IQCK: variants seen among roughly 807,000 people sequenced by gnomAD.
IQCK encodes the protein IQ motif containing K.
In IQCK, 29 loss-of-function variants were observed where a neutral mutation model predicts 28.1. The ratio of observed to expected loss-of-function variants is 1.03; its 90% CI spans 0.77 to 1.41. The LOEUF is 1.41. Ranked by LOEUF, IQCK falls within the 40% of genes most tolerant of loss-of-function variation. IQCK has a pLI of 0.00. For missense variants in IQCK, 359 were observed against 314.7 expected (o/e 1.14, Z -1.07); for synonymous variants, 113 against 115.1 (o/e 0.98, Z 0.12).
intron 7 of IQCK, among the ~76,000 whole-genome samples, chr16:19,824,883 C>G (rs1310227109): frequency 7.9e-5 from 12 of 152,288 alleles, no homozygotes; most frequent in Non-Finnish European, 2.9e-5. Flanking sequence ...CAGTATCTCT[C>G]CCAGGAACAC....
chr16:19,777,098 CTG>C (rs1286553139), intron 6 of IQCK, among the ~76,000 whole-genome samples: 1 of 152,152 alleles, frequency 6.6e-6, no homozygotes, highest in Non-Finnish European at 1.5e-5. Context: ...ATCATTAAAA[CTG>C]AGACCTTCAA....
At chr16:19,809,014 C>G (rs767395297) in intron 7 of IQCK, among the ~76,000 whole-genome samples, 5 of 152,208 alleles carry the variant, frequency 3.3e-5, no homozygotes, top group Non-Finnish European at 5.9e-5. Flanking sequence ...TGCGCCACCA[C>G]GGCCAGCTAA....
At chr16:19,845,477 G>GCA (rs1413611189) in intron 9 of IQCK, among the ~76,000 whole-genome samples, 3 of 152,202 alleles carry the variant, frequency 2.0e-5, no homozygotes. Flanking sequence ...GTTTGTCTGT[G>GCA]TTCATTCACA....
intron 4 of IQCK, chr16:19,761,421 G>A (rs767177140): frequency 4.4e-6 from 2 of 455,930 alleles, no homozygotes; most frequent in African/African-American, 2.0e-5. Context: ...GCTTCCTGAG[G>A]TACAGAGCAG....
intron 7 of IQCK, chr16:19,819,575 ATTTCCCAAATGCTC>A (rs1415375655): frequency 1.8e-5 from 3 of 164,842 alleles, no homozygotes; most frequent in Non-Finnish European, 4.1e-5. Context: ...ATATTTCCAC[ATTTCCCAAATGCTC>A]TTTCAATCCA....
chr16:19,733,600 T>C, intron 2 of IQCK, 98 bp from the exon 3 acceptor site: 1 of 1,401,086 alleles, frequency 7.1e-7, no homozygotes, highest in East Asian at 2.3e-5. Context: ...AACCTTAAAG[T>C]CTGATGCAGA....
chr16:19,731,892 T>G (rs1425073068), intron 2 of IQCK, among the ~76,000 whole-genome samples: 1 of 152,184 alleles, frequency 6.6e-6, no homozygotes, highest in Non-Finnish European at 1.5e-5. Context: ...ACTACCAGTC[T>G]GAGGGCCTCT....
intron 1 of IQCK, among the ~76,000 whole-genome samples, chr16:19,729,489 T>A (rs1977761177): frequency 6.6e-6 from 1 of 152,002 alleles, no homozygotes; most frequent in Non-Finnish European, 1.5e-5. Flanking sequence ...TCTTCCTCCC[T>A]TAATTCCTTA....
chr16:19,736,290 G>T (rs557800757), intron 4 of IQCK: 8 of 400,502 alleles, frequency 2.0e-5, no homozygotes, highest in Middle Eastern at 3.8e-4. Flanking sequence ...TTGAGACAGG[G>T]TCTTGCTCTG....
chr16:19,792,771 G>A (rs1405663382), intron 7 of IQCK, among the ~76,000 whole-genome samples: 2 of 113,676 alleles, frequency 1.8e-5, no homozygotes, highest in South Asian at 2.6e-4. Flanking sequence ...GGAGGGGGGC[G>A]TTTCACCATG....
rs961899602 is a variant in IQCK at position 19,718,318 on chromosome 16, G to A, written c.12G>A (p.Pro4=). Residue 4 remains proline (P), a synonymous_variant, in exon 1 of 8, where the codon CCG becomes CCA. Transcript: ENST00000564186. ...TGGAAACCGCGGCCATGGCGGCACC[G>A]CGGCAAATCCCCAGCCACATAGTGC... 8.7e-6 allele frequency: 14 copies of A among 1,606,964 alleles called. No individual in the cohort carries two copies. The African/African-American group carries it at 1.3e-4, about 15-fold the overall frequency.
Position 19,827,064 on chromosome 16 carries a change from G to A in IQCK, c.729G>A (p.Trp243Ter). ...CTGAGATTCAAGAACTGCGTCAGTG[G>A]CAGAAGAAACTTCGCGAGGCCAAGC... Residue 243 changes from tryptophan to a stop codon, truncating the protein, a stop_gained, in exon 8 of 8, where the codon TGG (tryptophan) becomes TGA (stop). Transcript: ENST00000564186. LOFTEE classifies it low-confidence loss of function (END_TRUNC). The A allele has an allele frequency of 1.2e-6, 2 of 1,614,116 alleles. No homozygotes were observed. The highest frequency in any genetic ancestry group is 1.7e-6 in the Non-Finnish European group (2 of 1,179,970).
chr16:19,841,996 C>T (rs912696638), intron 9 of IQCK, among the ~76,000 whole-genome samples: 1 of 152,152 alleles, frequency 6.6e-6, no homozygotes, highest in African/African-American at 2.4e-5. Context: ...CAGGTGCCCA[C>T]CACCACGCCT....
At chr16:19,792,569 CTT>C (rs777960791) in intron 7 of IQCK, among the ~76,000 whole-genome samples, 8 of 102,170 alleles carry the variant, frequency 7.8e-5, no homozygotes, top group Admixed American at 2.5e-4. Context: ...TACTGAACAC[CTT>C]TTTTTTTTTT....
rs149154383 is a variant in IQCK, at chr16:19,743,127, C to T, written c.474+7677C>T. 3.8e-3 allele frequency among the ~76,000 whole-genome samples: 579 copies of T among 152,238 alleles called. 5 individuals carry two copies. Among genetic ancestry groups the T allele is most frequent in the African/African-American group, 0.013 (528 of 41,544 alleles). On this transcript the variant is annotated intron_variant, in intron 4 of 7. Transcript: ENST00000564186. ...CAAAGGTTGCAGTGAGCTGAGATCA[C>T]GCCACTGCCCTCCAGCCTGGGTGGC...
intron 4 of IQCK, 124 bp downstream of exon 4, chr16:19,735,574 T>G: frequency 1.3e-6 from 1 of 778,948 alleles, no homozygotes; most frequent in Non-Finnish European, 2.2e-6. Flanking sequence ...AGGGAAAGCC[T>G]GTGTTTGGGG....
chr16:19,821,935 C>G (rs1040168339), intron 7 of IQCK, among the ~76,000 whole-genome samples: 1 of 151,508 alleles, frequency 6.6e-6, no homozygotes, highest in African/African-American at 2.4e-5. Context: ...AAAAAATTAG[C>G]TGGGTGTGGT....
At chr16:19,836,781 A>G (rs535316793) in intron 9 of IQCK, among the ~76,000 whole-genome samples, 2 of 152,256 alleles carry the variant, frequency 1.3e-5, no homozygotes, top group East Asian at 1.9e-4. Context: ...CAAAGTGCTG[A>G]GATTACAGGC....
chr16:19,733,990 T>G (rs1385886004), intron 3 of IQCK, 163 bp downstream of exon 3: 2 of 614,114 alleles, frequency 3.3e-6, no homozygotes, highest in East Asian at 5.8e-5. Context: ...TTTCACTGAT[T>G]TATCTTTAAG....
Sources: gnomAD v4.1 joint callset for allele counts (sites outside exome capture counted in the v4.1 genomes callset) on GRCh38, gnomAD v4.1.1 for gene constraint, MANE v1.5 for transcripts, NCBI Gene and HGNC (gene_info 2026-07-23, HGNC 2026-07-21) for gene names.